DACH1: variants seen among roughly 807,000 people sequenced by gnomAD.
DACH1 encodes the protein dachshund homolog 1.
A neutral mutation model predicts 54.2 loss-of-function variants in DACH1; 12 were observed. That is an observed-to-expected ratio of 0.22 (90% CI 0.14 to 0.36). DACH1 has a LOEUF of 0.36. Among genes scored for constraint, DACH1 ranks in the 10% least tolerant of loss-of-function variants. DACH1 has a pLI of 1.00. For synonymous variants in DACH1, 386 were observed against 366.2 expected, an observed-to-expected ratio of 1.05 and a Z score of -0.62; for missense variants, 805 against 929.8, an observed-to-expected ratio of 0.87 and a Z score of 1.75.
intron 1 of DACH1, among the ~76,000 whole-genome samples, chr13:71,706,882 A>AGTT (rs1184471656): frequency 1.3e-5 from 2 of 152,168 alleles, no homozygotes; most frequent in Non-Finnish European, 2.9e-5. Flanking sequence ...GTACAGTAAG[A>AGTT]GTTTACTGTC....
intron 1 of DACH1, among the ~76,000 whole-genome samples, chr13:71,786,698 A>G (rs1040918411): frequency 1.3e-5 from 2 of 152,106 alleles, no homozygotes; most frequent in African/African-American, 4.8e-5. Flanking sequence ...ATTAAGTCCA[A>G]TCTTTTTGCC....
At chr13:71,450,506 A>C (rs1163127295) in intron 10 of DACH1, among the ~76,000 whole-genome samples, 1 of 152,044 alleles carries the variant, frequency 6.6e-6, no homozygotes, top group Non-Finnish European at 1.5e-5. Context: ...TATTCCCTGA[A>C]TCACAACAAT....
Position 71,866,697 on chromosome 13 carries a change from A to G in DACH1, c.73T>C (p.Ser25Pro). ...GTGGAGGTGGTGGTGCCAGAGGAGG[A>G]AGCAGACGTGGAGATTGGGGGTTGA... ...PPQPPISTSA[S>P]SSGTTTSTSS... Residue 25 changes from serine to proline, a missense_variant, in exon 1 of 11, where the codon TCC (serine) becomes CCC (proline). This residue lies in a region of DACH1 where 305 missense variants were observed against 308.7 expected (regional missense o/e 0.99). Transcript: ENST00000613252. The G allele has an allele frequency of 6.9e-7, 1 of 1,455,522 alleles. No individual in the cohort carries two copies. Among genetic ancestry groups the G allele is most frequent in the South Asian group, 1.5e-5 (1 of 64,682 alleles). The allele number at this position is 1,455,522 out of a possible 1,614,324, so 90.2% of individuals were successfully genotyped here. A position where few individuals can be genotyped will look rare whatever the true frequency, so the allele number is the denominator to read the frequency against.
At chr13:71,464,148 AT>A (rs11357635) in intron 10 of DACH1, among the ~76,000 whole-genome samples, 6,424 of 151,828 alleles carry the variant, frequency 0.042, 405 homozygotes, top group African/African-American at 0.13. Flanking sequence ...AAACATTCTG[AT>A]TTTTCTCATA....
intron 1 of DACH1, among the ~76,000 whole-genome samples, chr13:71,685,321 A>G (rs1233285724): frequency 1.3e-5 from 2 of 152,176 alleles, no homozygotes; most frequent in Non-Finnish European, 2.9e-5. Context: ...CCTTTCATTA[A>G]AATGCAAATA....
At chr13:71,776,258 A>G (rs1313521892) in intron 1 of DACH1, among the ~76,000 whole-genome samples, 2 of 152,156 alleles carry the variant, frequency 1.3e-5, no homozygotes, top group East Asian at 1.9e-4. Context: ...GGTTGGCAAC[A>G]CCATTATGAA....
At chr13:71,631,467 T>A (rs973617072) in intron 2 of DACH1, among the ~76,000 whole-genome samples, 2 of 152,186 alleles carry the variant, frequency 1.3e-5, no homozygotes, top group Admixed American at 1.3e-4. Context: ...AACTACTCAA[T>A]GGCAGGAAGC....
chr13:71,468,482 C>A (rs764858368), intron 10 of DACH1, among the ~76,000 whole-genome samples: 20 of 151,960 alleles, frequency 1.3e-4, no homozygotes, highest in Non-Finnish European at 2.6e-4. Context: ...ATTCCCACAC[C>A]GATCTTAAAA....
intron 1 of DACH1, among the ~76,000 whole-genome samples, chr13:71,747,850 T>TAGC (rs1430278291): frequency 6.6e-6 from 1 of 152,152 alleles, no homozygotes; most frequent in Non-Finnish European, 1.5e-5. Flanking sequence ...TATAGCACTG[T>TAGC]AGCAGCTTTC....
At chr13:71,526,290 T>C (rs1438943373) in intron 6 of DACH1, among the ~76,000 whole-genome samples, 4 of 152,124 alleles carry the variant, frequency 2.6e-5, no homozygotes, top group Admixed American at 6.6e-5. Context: ...TGTGCCTTTA[T>C]ATGGATAAAA....
intron 1 of DACH1, among the ~76,000 whole-genome samples, chr13:71,779,294 CATAT>C (rs1176433186): frequency 1.6e-5 from 1 of 61,158 alleles, no homozygotes; most frequent in Non-Finnish European, 3.2e-5. Context: ...TATATATACA[CATAT>C]ATATATTTAT....
intron 1 of DACH1, among the ~76,000 whole-genome samples, chr13:71,713,885 T>C (rs1453236699): frequency 6.6e-6 from 1 of 152,066 alleles, no homozygotes; most frequent in Non-Finnish European, 1.5e-5. Flanking sequence ...CATAAATAAG[T>C]ATTATAGAGG....
intron 1 of DACH1, among the ~76,000 whole-genome samples, chr13:71,693,976 T>C (rs1405995664): frequency 1.3e-5 from 2 of 152,260 alleles, no homozygotes; most frequent in Admixed American, 1.3e-4. Context: ...AAAATAGTTT[T>C]GTTTGTATTA....
chr13:71,555,034 T>C (rs1413518418), intron 6 of DACH1, among the ~76,000 whole-genome samples: 1 of 152,328 alleles, frequency 6.6e-6, no homozygotes, highest in African/African-American at 2.4e-5. Flanking sequence ...TCTGGACTTG[T>C]ATATTTCTCT....
intron 1 of DACH1, among the ~76,000 whole-genome samples, chr13:71,842,611 T>C: frequency 6.6e-6 from 1 of 151,564 alleles, no homozygotes; most frequent in East Asian, 1.9e-4. Context: ...TATAAAGGAC[T>C]CTGATAGCAG....
At chr13:71,713,916 TACC>T (rs1281709172) in intron 1 of DACH1, among the ~76,000 whole-genome samples, 2 of 152,058 alleles carry the variant, frequency 1.3e-5, no homozygotes, top group Non-Finnish European at 2.9e-5. Context: ...TCAGCCTTTT[TACC>T]ACTTCTTATT....
intron 1 of DACH1, among the ~76,000 whole-genome samples, chr13:71,788,716 A>G (rs1886710217): frequency 6.6e-6 from 1 of 152,148 alleles, no homozygotes; most frequent in Non-Finnish European, 1.5e-5. Flanking sequence ...TGGCTAATGT[A>G]TCATAATGAA....
chr13:71,576,721 GC>G (rs1032854063), intron 3 of DACH1, among the ~76,000 whole-genome samples: 3 of 152,080 alleles, frequency 2.0e-5, no homozygotes, highest in African/African-American at 7.2e-5. Flanking sequence ...TCCCTTAAGA[GC>G]CTTGAGCAGA....
intron 1 of DACH1, among the ~76,000 whole-genome samples, chr13:71,730,806 G>A (rs1006973094): frequency 4.6e-5 from 7 of 151,824 alleles, no homozygotes; most frequent in African/African-American, 1.7e-4. Context: ...AGTTATAATT[G>A]TCATGTAAAA....
Sources: gnomAD v4.1 joint callset for allele counts (sites outside exome capture counted in the v4.1 genomes callset) on GRCh38, gnomAD v4.1.1 for gene constraint, gnomAD v4.1.1 regional missense constraint, MANE v1.5 for transcripts, NCBI Gene and HGNC (gene_info 2026-07-23, HGNC 2026-07-21) for gene names.